The following RORA variants were observed in gnomAD, a reference collection of about 807,000 sequenced individuals.
RORA encodes nuclear receptor ROR-alpha.
A neutral mutation model predicts 69.5 loss-of-function variants in RORA; 7 were observed. The ratio of observed to expected loss-of-function variants is 0.10; its 90% CI spans 0.06 to 0.19. The LOEUF is 0.19. Among genes scored for constraint, RORA ranks in the 10% least tolerant of loss-of-function variants. The pLI is 1.00. For synonymous variants in RORA, 261 were observed against 240.8 expected (o/e 1.08, Z -0.78); for missense variants, 457 against 663.0 (o/e 0.69, Z 3.41).
chr15:61,108,378 C>T (rs1401808864), intron 1 of RORA, among the ~76,000 whole-genome samples: 1 of 152,168 alleles, frequency 6.6e-6, no homozygotes, highest in Non-Finnish European at 1.5e-5. Flanking sequence ...AATGTTACTG[C>T]TAACAGAATT....
In RORA at chr15:60,505,571, T is replaced by C. The variant is rs923100200; in HGVS notation, c.879A>G (p.Glu293=). The C allele has an allele frequency of 6.2e-7, 1 of 1,613,848 alleles. No individual in the cohort carries two copies. Among genetic ancestry groups the C allele is most frequent in the African/African-American group, 1.3e-5 (1 of 75,060 alleles). The change falls in exon 6 of 11, where the codon GAA becomes GAG. Residue 293 remains glutamate (E), a synonymous_variant. Coordinates refer to ENST00000335670, the MANE Select transcript of RORA (RefSeq NM_134261.3). ...SHLETCQYLR[E]ELQQITWQTF... ...TCTGCCACGTTATCTGCTGGAGCTCTTCTCTCAAGTATTGGCAGGTTTCCA... is the reference window on the plus strand; with the variant it reads ...TCTGCCACGTTATCTGCTGGAGCTCCTCTCTCAAGTATTGGCAGGTTTCCA...
chr15:61,203,044 C>T (rs1017429167), intron 1 of RORA, among the ~76,000 whole-genome samples: 1 of 152,098 alleles, frequency 6.6e-6, no homozygotes, highest in Non-Finnish European at 1.5e-5. Context: ...AAGTACTTGA[C>T]ATAATTGACT....
chr15:60,689,928 A>T (rs2140771690), intron 1 of RORA, among the ~76,000 whole-genome samples: 1 of 152,346 alleles, frequency 6.6e-6, no homozygotes, highest in South Asian at 2.1e-4. Flanking sequence ...GACTTCTAGC[A>T]TCCAGAACTG....
chr15:60,521,018 A>G (rs1169430415), intron 3 of RORA, among the ~76,000 whole-genome samples: 2 of 152,074 alleles, frequency 1.3e-5, no homozygotes, highest in Admixed American at 6.5e-5. Context: ...AGAATAAAAC[A>G]AACAGGCCTT....
At chr15:60,508,930 G>A (rs556425706) in intron 5 of RORA, among the ~76,000 whole-genome samples, 4 of 152,144 alleles carry the variant, frequency 2.6e-5, no homozygotes, top group Admixed American at 1.3e-4. Flanking sequence ...TCCTAGCCAA[G>A]GATGAAGTCA....
At chr15:61,224,976 T>C (rs148769788) in intron 1 of RORA, among the ~76,000 whole-genome samples, 81 of 152,280 alleles carry the variant, frequency 5.3e-4, no homozygotes, top group African/African-American at 1.9e-3. Flanking sequence ...CCAGTAGGTA[T>C]TGGAAAATTC....
intron 2 of RORA, among the ~76,000 whole-genome samples, chr15:60,575,440 A>C (rs535966891): frequency 6.6e-6 from 1 of 152,348 alleles, no homozygotes; most frequent in Non-Finnish European, 1.5e-5. Context: ...TGGTGGTACA[A>C]AGGAACTGAG....
At chr15:60,633,229 G>A (rs1298039388) in intron 2 of RORA, among the ~76,000 whole-genome samples, 1 of 152,198 alleles carries the variant, frequency 6.6e-6, no homozygotes. Context: ...TGTGTTGGTA[G>A]CAGATAACCA....
chr15:60,704,014 T>C (rs1370687160), intron 1 of RORA, among the ~76,000 whole-genome samples: 2 of 152,240 alleles, frequency 1.3e-5, no homozygotes, highest in African/African-American at 4.8e-5. Context: ...TGTTTTACTT[T>C]TATGACGGGT....
chr15:61,196,754 A>G (rs962285111), intron 1 of RORA, among the ~76,000 whole-genome samples: 3 of 152,258 alleles, frequency 2.0e-5, no homozygotes, highest in African/African-American at 4.8e-5. Flanking sequence ...TAATGGCACC[A>G]AAGTCAGAAT....
intron 1 of RORA, among the ~76,000 whole-genome samples, chr15:60,809,034 G>T (rs1413243377): frequency 1.3e-5 from 2 of 152,056 alleles, no homozygotes; most frequent in South Asian, 2.1e-4. Flanking sequence ...ATGTTGGGGG[G>T]TGGCGACGGA....
At chr15:60,569,757 A>C (rs1387292590) in intron 2 of RORA, among the ~76,000 whole-genome samples, 2 of 152,222 alleles carry the variant, frequency 1.3e-5, no homozygotes, top group Non-Finnish European at 2.9e-5. Context: ...CAGACAAGGA[A>C]GGTTTTGAGT....
intron 1 of RORA, among the ~76,000 whole-genome samples, chr15:61,125,552 T>C (rs2079136134): frequency 6.6e-6 from 1 of 152,256 alleles, no homozygotes; most frequent in Admixed American, 6.5e-5. Context: ...ACAATGAATA[T>C]GTTATTATTT....
chr15:60,860,115 G>C (rs777825821), intron 1 of RORA, among the ~76,000 whole-genome samples: 6 of 152,154 alleles, frequency 3.9e-5, no homozygotes, highest in Admixed American at 1.3e-4. Context: ...CTTCCCTCTC[G>C]AGGTTTCAAG....
chr15:60,627,446 A>C lies in RORA; in HGVS notation c.196+51211T>G. ...TTGCCCCAGTGTACTATGGAGTCCA[A>C]GGTGATCAGACAGATGGCTCCAACA... On this transcript the variant is annotated intron_variant, in intron 2 of 10. Transcript: ENST00000335670. 3 of 1,597,190 alleles carry C rather than the reference A, an allele frequency of 1.9e-6. No individual in the cohort carries two copies. In the East Asian group the frequency reaches 6.7e-5, roughly 36 times the overall value.
At chr15:61,133,742 T>G (rs1360767618) in intron 1 of RORA, among the ~76,000 whole-genome samples, 1 of 152,218 alleles carries the variant, frequency 6.6e-6, no homozygotes, top group Non-Finnish European at 1.5e-5. Context: ...ATTGACTGGG[T>G]GCTGTGGCAT....
intron 1 of RORA, among the ~76,000 whole-genome samples, chr15:60,714,928 G>C (rs2071200380): frequency 6.6e-6 from 1 of 152,184 alleles, no homozygotes; most frequent in Non-Finnish European, 1.5e-5. Context: ...ATCCCTGAGA[G>C]TTGAGAGACT....
intron 1 of RORA, among the ~76,000 whole-genome samples, chr15:61,025,186 C>A (rs1595887453): frequency 2.6e-5 from 4 of 152,290 alleles, no homozygotes; most frequent in African/African-American, 7.2e-5. Flanking sequence ...CCTGAAAGTT[C>A]TAGCCATTCT....
At chr15:61,028,209 A>C (rs964562413) in intron 1 of RORA, among the ~76,000 whole-genome samples, 54 of 152,282 alleles carry the variant, frequency 3.5e-4, no homozygotes, top group African/African-American at 1.1e-3. Flanking sequence ...TTTGCAACTT[A>C]ATTCCAATAA....
Sources: allele counts gnomAD v4.1 joint callset (sites outside exome capture counted in the v4.1 genomes callset), GRCh38; gene constraint gnomAD v4.1.1; transcripts MANE v1.5; gene names NCBI Gene and HGNC (gene_info 2026-07-23, HGNC 2026-07-21).